The following ROCK1 variants were observed in gnomAD, a reference collection of about 807,000 sequenced individuals.
ROCK1 encodes rho-associated protein kinase 1.
A neutral mutation model predicts 196.8 loss-of-function variants in ROCK1; 36 were observed. The ratio of observed to expected loss-of-function variants is 0.18; its 90% CI spans 0.14 to 0.24. ROCK1 has a LOEUF of 0.24. Among genes scored for constraint, ROCK1 ranks in the 10% least tolerant of loss-of-function variants. The probability of loss-of-function intolerance (pLI) is 1.00; values close to 1 mark genes in which losing one functional copy is unlikely to be tolerated. For missense variants in ROCK1, 920 were observed against 1,562.0 expected (o/e 0.59, Z 6.93); for synonymous variants, 443 against 515.9 (o/e 0.86, Z 1.91).
intron 12 of ROCK1, 51 bp downstream of exon 12, chr18:21,020,100 G>A (rs1568385346): frequency 4.7e-6 from 5 of 1,072,502 alleles, no homozygotes; most frequent in South Asian, 4.1e-5. Context: ...TTTCAAGTAA[G>A]TATTTGGTAT....
chr18:21,022,159 A>C (rs542201967), intron 11 of ROCK1, among the ~76,000 whole-genome samples: 156 of 152,148 alleles, frequency 1.0e-3, no homozygotes, highest in Middle Eastern at 0.01. Context: ...GTGCCCCCCC[A>C]CAAAAAAATG....
intron 1 of ROCK1, among the ~76,000 whole-genome samples, chr18:21,101,873 CT>C (rs535936149): frequency 4.6e-4 from 67 of 144,160 alleles, no homozygotes; most frequent in Admixed American, 9.1e-4. Context: ...AGAAAATGTC[CT>C]TTTTTTTTTT....
chr18:21,031,134 C>T (rs1004954792), intron 9 of ROCK1, among the ~76,000 whole-genome samples: 6 of 151,814 alleles, frequency 4.0e-5, no homozygotes, highest in South Asian at 2.1e-4. Flanking sequence ...AAGCAACAAC[C>T]GCAAGCCCTG....
At chr18:20,984,655 G>A in intron 19 of ROCK1, 120 bp from the exon 20 acceptor site, 2 of 668,086 alleles carry the variant, frequency 3.0e-6, no homozygotes, top group Non-Finnish European at 4.8e-6. Context: ...GAAAATATTA[G>A]TATTTTAAAG....
chr18:20,966,216 T>C (rs527541186), intron 27 of ROCK1, among the ~76,000 whole-genome samples: 1 of 152,312 alleles, frequency 6.6e-6, no homozygotes, highest in South Asian at 2.1e-4. Flanking sequence ...GAACTTATAG[T>C]ATGTGTATTT....
intron 29 of ROCK1, among the ~76,000 whole-genome samples, chr18:20,957,806 TAAA>T (rs35473579): frequency 6.5e-4 from 87 of 134,420 alleles, no homozygotes; most frequent in African/African-American, 1.4e-3. Context: ...CTTCATAAAT[TAAA>T]AAAAAAAAAA....
intron 1 of ROCK1, among the ~76,000 whole-genome samples, chr18:21,075,325 G>A (rs2036420330): frequency 6.6e-6 from 1 of 152,122 alleles, no homozygotes; most frequent in Non-Finnish European, 1.5e-5. Flanking sequence ...ATTGAAAGAG[G>A]AACAGGAAGG....
intron 29 of ROCK1, 32 bp from the exon 30 acceptor site, chr18:20,955,277 A>G (rs2035230673): frequency 6.4e-7 from 1 of 1,563,630 alleles, no homozygotes; most frequent in Middle Eastern, 1.7e-4. Context: ...GCCATTTACA[A>G]AAACTCATTT....
chr18:21,022,898 TACTC>T (rs762989133), intron 11 of ROCK1, among the ~76,000 whole-genome samples: 26 of 152,084 alleles, frequency 1.7e-4, no homozygotes, highest in Non-Finnish European at 2.9e-4. Context: ...AATGGAATAT[TACTC>T]AGCCTTAAAC....
intron 1 of ROCK1, among the ~76,000 whole-genome samples, chr18:21,084,257 A>AC (rs1039119836): frequency 1.9e-4 from 29 of 151,402 alleles, no homozygotes; most frequent in African/African-American, 2.7e-4. Context: ...ACAGGCAACA[A>AC]AAAAAAAACA....
At chr18:20,952,945 G>A (rs529248855) in intron 32 of ROCK1, among the ~76,000 whole-genome samples, 5 of 152,196 alleles carry the variant, frequency 3.3e-5, no homozygotes, top group Admixed American at 6.5e-5. Context: ...GACACAGGGA[G>A]GGGAACGTCA....
chr18:21,111,449 G>C lies in ROCK1; in HGVS notation c.-539C>G, dbSNP rs546712487. 4.6e-5 allele frequency: 13 copies of C among 280,030 alleles called. No homozygotes were observed. The East Asian group carries it at 8.2e-4, about 18-fold the overall frequency. The allele number at this position is 280,030 out of a possible 1,614,324, so 17.3% of individuals were successfully genotyped here. A position where few individuals can be genotyped will look rare whatever the true frequency, so the allele number is the denominator to read the frequency against. On this transcript the variant is annotated 5_prime_UTR_variant, in exon 1 of 33. Coordinates refer to ENST00000399799, the MANE Select transcript of ROCK1 (RefSeq NM_005406.3). The surrounding 1 kb of genome is among the most constrained non-coding windows in gnomAD (Gnocchi z 4.2). Reference sequence around the variant, plus strand: ...TAGACGGTCTAGCCCCGCGTCCCCGGCTCTACTCGGCCCGGCCCGACGCAC... The same window carrying C: ...TAGACGGTCTAGCCCCGCGTCCCCGCCTCTACTCGGCCCGGCCCGACGCAC...
chr18:21,024,664 A>G (rs979404187), intron 10 of ROCK1, among the ~76,000 whole-genome samples: 14 of 152,258 alleles, frequency 9.2e-5, no homozygotes, highest in African/African-American at 3.4e-4. Flanking sequence ...ATTAGTGAAT[A>G]ACAGAAGATA....
At chr18:20,974,884 C>T (rs1385743707) in intron 22 of ROCK1, among the ~76,000 whole-genome samples, 1 of 152,176 alleles carries the variant, frequency 6.6e-6, no homozygotes, top group Non-Finnish European at 1.5e-5. Context: ...CTCAAGTTTA[C>T]ACTACTGTTA....
At chr18:21,100,024 A>G (rs1311093078) in intron 1 of ROCK1, among the ~76,000 whole-genome samples, 3 of 152,182 alleles carry the variant, frequency 2.0e-5, no homozygotes, top group Non-Finnish European at 4.4e-5. Context: ...CGACAGAGCA[A>G]GACTGTCTCA....
Position 20,999,201 on chromosome 18 carries a change from C to CA in ROCK1, c.1886-6265dup, listed in dbSNP as rs543732243. Among the ~76,000 whole-genome samples the CA allele has an allele frequency of 3.1e-3, 472 of 150,978 alleles. 3 individuals carry two copies. Among genetic ancestry groups the CA allele is most frequent in the African/African-American group, 0.011 (449 of 41,110 alleles). On this transcript the variant is annotated intron_variant, in intron 16 of 32. Coordinates refer to ENST00000399799, the MANE Select transcript of ROCK1 (RefSeq NM_005406.3). ...ATTTGCTGAAATATCATTGTTTTAG[C>CA]AAAAAACTAATTTAAATATGTTAAA...
At chr18:21,000,266 CTT>C (rs112094549) in intron 16 of ROCK1, among the ~76,000 whole-genome samples, 3 of 145,224 alleles carry the variant, frequency 2.1e-5, no homozygotes, top group Non-Finnish European at 3.1e-5. Flanking sequence ...AATTGATTTT[CTT>C]TTTTTTTTTT....
intron 2 of ROCK1, among the ~76,000 whole-genome samples, chr18:21,064,731 A>ATG (rs2036319722): frequency 1.3e-5 from 2 of 152,204 alleles, no homozygotes; most frequent in Non-Finnish European, 2.9e-5. Context: ...ATCCCTGGAT[A>ATG]TGTATTCATA....
chr18:21,109,405 C>CA (rs2036730260), intron 1 of ROCK1, among the ~76,000 whole-genome samples: 1 of 151,916 alleles, frequency 6.6e-6, no homozygotes, highest in African/African-American at 2.4e-5. Flanking sequence ...GATCGAAAAG[C>CA]AAAATAAAAT....
Sources: gnomAD v4.1 joint callset for allele counts (sites outside exome capture counted in the v4.1 genomes callset) on GRCh38, gnomAD v4.1.1 for gene constraint, Gnocchi (gnomAD v3.1) non-coding constraint, MANE v1.5 for transcripts, NCBI Gene and HGNC (gene_info 2026-07-23, HGNC 2026-07-21) for gene names.